Variants in KAT2A observed in about 807,000 individuals in gnomAD.
The protein encoded by KAT2A is lysine acetyltransferase 2A, also known as histone acetyltransferase KAT2A.
KAT2A carries 42 observed loss-of-function variants against 95.2 expected under a neutral mutation model. The observed-to-expected ratio is 0.44, with a 90% CI of 0.34 to 0.57. The LOEUF (loss-of-function observed/expected upper bound fraction) is 0.57. KAT2A is among the 20% of genes least tolerant of loss of function. The probability of loss-of-function intolerance (pLI) is 0.01; values close to 1 mark genes in which losing one functional copy is unlikely to be tolerated. For missense variants in KAT2A, 784 were observed against 1,126.3 expected (o/e 0.70, Z 4.35); for synonymous variants, 449 against 448.2 (o/e 1.00, Z -0.02).
chr17:42,115,042 G>A lies in KAT2A; in HGVS notation c.1876-7C>T, dbSNP rs782365706. On this transcript the variant is annotated splice_region_variant and splice_polypyrimidine_tract_variant and intron_variant, in intron 12 of 17. Transcript: ENST00000225916. ...TGATGTCCTTGGAGAAACCCTGGGG[G>A]GTGGATGGTCATGACCCAGTCCATC... The A allele has an allele frequency of 1.2e-6, 2 of 1,613,206 alleles. No individual in the cohort carries two copies. The highest frequency in any genetic ancestry group is 1.7e-6 in the Non-Finnish European group (2 of 1,179,640).
In KAT2A at chr17:42,120,738, C is replaced by T. The variant is rs1598235220; in HGVS notation, c.431G>A (p.Ser144Asn). The T allele has an allele frequency of 1.2e-6, 2 of 1,614,168 alleles. No homozygotes were observed. The highest frequency in any genetic ancestry group is 1.7e-6 in the Non-Finnish European group (2 of 1,180,050). ...GTGCTCACAACTGCGGCACAGCTCA[C>T]TCAGGTTGGCAGCTGGCTGCTGCAG... ...MDLQQPAANL[S>N]ELCRSCEHPL... The change falls in exon 2 of 18, where the codon AGT (serine) becomes AAT (asparagine). Residue 144 changes from serine to asparagine, a missense_variant. By Grantham distance (46) the Ser-to-Asn change is conservative. Around this residue, in one of 6 missense-constraint regions of KAT2A, gnomAD observed 208 missense variants for 339.7 expected, o/e 0.61. Transcript: ENST00000225916.
rs200608565 is a variant in KAT2A, at chr17:42,117,499, G to A, written c.1526C>T (p.Thr509Met). The stretch of plus-strand genomic sequence containing the variant: ...CAACACCCGCCGGTTGGCCTTGGGC[G>A]TCAGTGAGTTGCCGATGACATGGAA... ...IEFHVIGNSLTPKANRRVLLW... is the reference protein window; with the variant it reads ...IEFHVIGNSLMPKANRRVLLW... The change falls in exon 10 of 18, where the codon ACG becomes ATG. Residue 509 changes from threonine (T) to methionine (M), a missense_variant. This residue lies in a region of KAT2A where 174 missense variants were observed against 324.9 expected (regional missense o/e 0.54). Coordinates refer to ENST00000225916, the MANE Select transcript of KAT2A (RefSeq NM_021078.3). This position sits in a 1 kb window ranked among gnomAD's most constrained non-coding sequence, Gnocchi z 8.9. 58 of 1,613,610 alleles carry A rather than the reference G, an allele frequency of 3.6e-5. No homozygotes were observed. Among genetic ancestry groups the A allele is most frequent in the East Asian group, 3.6e-4 (16 of 44,896 alleles).
rs2054308615 is a variant in KAT2A, at chr17:42,119,695, G to A, written c.723C>T (p.Tyr241=). The A allele has an allele frequency of 6.2e-7, 1 of 1,610,480 alleles. No individual in the cohort carries two copies. The change falls in exon 5 of 18, where the codon TAC becomes TAT. Residue 241 remains tyrosine, a synonymous_variant. Coordinates refer to ENST00000225916, the MANE Select transcript of KAT2A (RefSeq NM_021078.3). This position sits in a 1 kb window ranked among gnomAD's most constrained non-coding sequence, Gnocchi z 5.3. ...CCCGGGGAGCCAGGTGACTAAACTT[G>A]TACTGCACAAAGTTCAGCACACCCT... ...IEQGVLNFVQ[Y]KFSHLAPRER...
At position 42,118,484 on chromosome 17, in the gene KAT2A, G is replaced by A; in HGVS notation, c.1074-81C>T. 3 of 969,314 alleles carry A rather than the reference G, an allele frequency of 3.1e-6. No homozygotes were observed. In the South Asian group the frequency reaches 4.0e-5, roughly 13 times the overall value. 60.0% of individuals were successfully genotyped at this position (969,314 alleles called of 1,614,324 possible). A position where few individuals can be genotyped will look rare whatever the true frequency, so the allele number is the denominator to read the frequency against. On this transcript the variant is annotated intron_variant, in intron 6 of 17. Coordinates refer to ENST00000225916, the MANE Select transcript of KAT2A (RefSeq NM_021078.3). The stretch of plus-strand genomic sequence containing the variant: ...CCAGGCAGCAGAGGGACTGGAGGCT[G>A]GTCAGAGACAGACCCTGCTCTTAGG...
Position 42,119,505 on chromosome 17 carries a change from C to G in KAT2A, c.881+32G>C, listed in dbSNP as rs782263846. On this transcript the variant is annotated intron_variant, in intron 5 of 17. Transcript: ENST00000225916. The surrounding 1 kb of genome is among the most constrained non-coding windows in gnomAD (Gnocchi z 5.3). ...ACTGAACCCAGGCTGGGCCTGCAAGCCTCCCCCGAAGCTGCCCCTGGCTGG... is the reference window on the plus strand; with the variant it reads ...ACTGAACCCAGGCTGGGCCTGCAAGGCTCCCCCGAAGCTGCCCCTGGCTGG... 1.7e-5 allele frequency: 27 copies of G among 1,579,830 alleles called. No individual in the cohort carries two copies. Among genetic ancestry groups the G allele is most frequent in the Non-Finnish European group, 2.3e-5 (27 of 1,159,770 alleles).
Position 42,114,987 on chromosome 17 carries a change from T to C in KAT2A, c.1924A>G (p.Ile642Val). Residue 642 changes from isoleucine to valine, a missense_variant, in exon 13 of 18, where the codon ATC (isoleucine) becomes GTC (valine). This residue lies in a region of KAT2A where 174 missense variants were observed against 324.9 expected (regional missense o/e 0.54). Coordinates refer to ENST00000225916, the MANE Select transcript of KAT2A (RefSeq NM_021078.3). This position sits in a 1 kb window ranked among gnomAD's most constrained non-coding sequence, Gnocchi z 6.0. Reference protein sequence around the residue: ...KVPKSRYLGYIKDYEGATLME... With the variant: ...KVPKSRYLGYVKDYEGATLME... ...AGCGTCGCTCCCTCGTAGTCCTTGA[T>C]GTAGCCCAGGTAGCGGCTCTTGGGC... is the stretch of plus-strand genomic sequence containing the variant. 1 of 1,614,028 alleles carries C rather than the reference T, an allele frequency of 6.2e-7. No individual in the cohort carries two copies. The highest frequency in any genetic ancestry group is 8.5e-7 in the Non-Finnish European group (1 of 1,179,966).
chr17:42,120,151 A>AG (rs1292839993), intron 3 of KAT2A, 32 bp from the exon 4 acceptor site: 1 of 1,612,706 alleles, frequency 6.2e-7, no homozygotes, highest in Non-Finnish European at 8.5e-7. Context: ...CATAGAGGGG[A>AG]GGGGGGCAGA....
At position 42,117,117 on chromosome 17, in the gene KAT2A, C is replaced by T; in HGVS notation, c.1682G>A (p.Gly561Asp). 6.2e-7 allele frequency: 1 copy of T among 1,614,156 alleles called. No individual in the cohort carries two copies. The highest frequency in any genetic ancestry group is 8.5e-7 in the Non-Finnish European group (1 of 1,180,040). ...GGGAAACATGCGGAAGCAGATGCCA[C>T]CGATGACCCGCCCATCCTTGATCAA... ...LALIKDGRVI[G>D]GICFRMFPTQ... The change falls in exon 11 of 18, where the codon GGT becomes GAT. Residue 561 changes from glycine to aspartate, a missense_variant. By Grantham distance (94) the Gly-to-Asp change is moderately conservative. Transcript: ENST00000225916. This position sits in a 1 kb window ranked among gnomAD's most constrained non-coding sequence, Gnocchi z 8.9.
At position 42,118,027 on chromosome 17, in the gene KAT2A, G is replaced by C. The variant is rs782490302; in HGVS notation, c.1181-10C>G. On this transcript the variant is annotated splice_polypyrimidine_tract_variant and intron_variant, in intron 7 of 17. Coordinates refer to ENST00000225916, the MANE Select transcript of KAT2A (RefSeq NM_021078.3). ...GCTGCACTGACTGAAGCTGAGGAGA[G>C]AGAGAGACGTCAGGGATGGGGGGCT... 2.1e-6 allele frequency: 3 copies of C among 1,431,924 alleles called. No homozygotes were observed. Among genetic ancestry groups the C allele is most frequent in the Non-Finnish European group, 9.5e-7 (1 of 1,057,922 alleles). 88.7% of individuals were successfully genotyped at this position (1,431,924 alleles called of 1,614,324 possible). A position where few individuals can be genotyped will look rare whatever the true frequency, so the allele number is the denominator to read the frequency against.
In KAT2A at chr17:42,114,669, G is replaced by T; in HGVS notation, c.2020-65C>A. 1 of 1,451,286 alleles carries T rather than the reference G, an allele frequency of 6.9e-7. No homozygotes were observed. The highest frequency in any genetic ancestry group is 1.8e-4 in the Middle Eastern group (1 of 5,688). 89.9% of individuals were successfully genotyped at this position (1,451,286 alleles called of 1,614,324 possible). Reference sequence around the variant, plus strand: ...AACAACAACCCCTCCCAGGGCCACAGTCGGAGCCACTGGCTGCACCCACCC... The same window carrying T: ...AACAACAACCCCTCCCAGGGCCACATTCGGAGCCACTGGCTGCACCCACCC... On this transcript the variant is annotated intron_variant, in intron 13 of 17. Transcript: ENST00000225916. The surrounding 1 kb of genome is among the most constrained non-coding windows in gnomAD (Gnocchi z 6.0).
Position 42,114,846 on chromosome 17 carries a change from T to C in KAT2A, c.2019+46A>G, listed in dbSNP as rs2054231818. 2 of 1,604,486 alleles carry C rather than the reference T, an allele frequency of 1.2e-6. No homozygotes were observed. The highest frequency in any genetic ancestry group is 2.7e-5 in the African/African-American group (2 of 74,736). On this transcript the variant is annotated intron_variant, in intron 13 of 17. Coordinates refer to ENST00000225916, the MANE Select transcript of KAT2A (RefSeq NM_021078.3). This position sits in a 1 kb window ranked among gnomAD's most constrained non-coding sequence, Gnocchi z 6.0. ...TACACACGTGTGCTCGCCCTCTGCA[T>C]GCCCATTCATGAAAAATCCCACAGA...
Position 42,119,945 on chromosome 17 carries a change from TGAG to T in KAT2A, c.699+82_699+84del. On this transcript the variant is annotated intron_variant, in intron 4 of 17. Transcript: ENST00000225916. This position sits in a 1 kb window ranked among gnomAD's most constrained non-coding sequence, Gnocchi z 5.3. ...CTGAACCTCCCCAGTGTTCTCAGCT[TGAG>T]GAGAATGGAGAACACAGGCTCCCCA... 4 of 1,269,322 alleles carry T rather than the reference TGAG, an allele frequency of 3.2e-6. No homozygotes were observed. Among genetic ancestry groups the T allele is most frequent in the East Asian group, 2.3e-5 (1 of 43,146 alleles). 78.6% of individuals were successfully genotyped at this position (1,269,322 alleles called of 1,614,324 possible). A position where few individuals can be genotyped will look rare whatever the true frequency, so the allele number is the denominator to read the frequency against.
chr17:42,114,942 G>A lies in KAT2A; in HGVS notation c.1969C>T (p.Pro657Ser). 6.2e-7 allele frequency: 1 copy of A among 1,614,004 alleles called. No homozygotes were observed. Among genetic ancestry groups the A allele is most frequent in the Non-Finnish European group, 8.5e-7 (1 of 1,179,946 alleles). The part of the protein sequence containing the change: ...GATLMECELN[P>S]RIPYTELSHI... ...GACAGCTCCGTGTAGGGGATGCGGG[G>A]ATTCAGCTCACACTCCATCAGCGTC... Residue 657 changes from proline to serine, a missense_variant, in exon 13 of 18, where the codon CCC becomes TCC. Coordinates refer to ENST00000225916, the MANE Select transcript of KAT2A (RefSeq NM_021078.3). The surrounding 1 kb of genome is among the most constrained non-coding windows in gnomAD (Gnocchi z 6.0).
rs944419984 is a variant in KAT2A, at chr17:42,113,416, G to C, written c.*233C>G. ...TCATCCCTGGCCACCAGCTACTCTA[G>C]AGGGGCTGGGCCCCAACCCAGGAGA... is the stretch of plus-strand genomic sequence containing the variant. On this transcript the variant is annotated 3_prime_UTR_variant, in exon 18 of 18. Transcript: ENST00000225916. The C allele has an allele frequency of 6.7e-5, 30 of 448,554 alleles. No homozygotes were observed. The highest frequency in any genetic ancestry group is 5.4e-4 in the African/African-American group (26 of 48,222). The allele number at this position is 448,554 out of a possible 1,614,324, so 27.8% of individuals were successfully genotyped here.
intron 11 of KAT2A, among the ~76,000 whole-genome samples, chr17:42,116,637 G>T (rs1313599028): frequency 1.3e-5 from 2 of 152,230 alleles, no homozygotes; most frequent in African/African-American, 4.8e-5. Flanking sequence ...CGAGGCAGGA[G>T]TATCACTTGA....
rs782794291 is a variant in KAT2A at position 42,119,168 on chromosome 17, GCCTT to G, written c.1073+73_1073+76del. 8.3e-5 allele frequency: 126 copies of G among 1,526,672 alleles called. No individual in the cohort carries two copies. Among genetic ancestry groups the G allele is most frequent in the Non-Finnish European group, 7.1e-5 (81 of 1,135,450 alleles). The allele number at this position is 1,526,672 out of a possible 1,614,324, so 94.6% of individuals were successfully genotyped here. A position where few individuals can be genotyped will look rare whatever the true frequency, so the allele number is the denominator to read the frequency against. ...GGGAGAGGAGGGACCAATCCAGGAAGCCTTCCTGGAAAAAAGGGGACAACAGGGA... is the reference window on the plus strand; with the variant it reads ...GGGAGAGGAGGGACCAATCCAGGAAGCCTGGAAAAAAGGGGACAACAGGGA... On this transcript the variant is annotated intron_variant, in intron 6 of 17. Transcript: ENST00000225916. The surrounding 1 kb of genome is among the most constrained non-coding windows in gnomAD (Gnocchi z 5.3).
rs1555666374 is a variant in KAT2A, at chr17:42,117,879, G to T, written c.1291+28C>A. The T allele has an allele frequency of 6.9e-6, 11 of 1,601,518 alleles. No homozygotes were observed. Among genetic ancestry groups the T allele is most frequent in the Non-Finnish European group, 8.5e-6 (10 of 1,171,360 alleles). Reference sequence around the variant, plus strand: ...AAAGGTTTGGGAAGGAGTGAATGAGGGTCAGAGGTCAGGGGTCAAGTATCC... The same window carrying T: ...AAAGGTTTGGGAAGGAGTGAATGAGTGTCAGAGGTCAGGGGTCAAGTATCC... On this transcript the variant is annotated intron_variant, in intron 8 of 17. Coordinates refer to ENST00000225916, the MANE Select transcript of KAT2A (RefSeq NM_021078.3). This position sits in a 1 kb window ranked among gnomAD's most constrained non-coding sequence, Gnocchi z 8.9.
chr17:42,117,980 G>A lies in KAT2A; in HGVS notation c.1218C>T (p.Ile406=), dbSNP rs1555666423. ...TGCCCCCACCCATGCTGGGGCTGAA[G>A]ATGGGGGTGCTGGGAACAACCGCTG... The part of the protein sequence containing the change: ...VSAAVVPSTP[I]FSPSMGGGSN... Residue 406 remains isoleucine (I), a synonymous_variant, in exon 8 of 18, where the codon ATC becomes ATT. Transcript: ENST00000225916. The surrounding 1 kb of genome is among the most constrained non-coding windows in gnomAD (Gnocchi z 8.9). The A allele has an allele frequency of 3.1e-6, 5 of 1,607,946 alleles. No individual in the cohort carries two copies. Among genetic ancestry groups the A allele is most frequent in the South Asian group, 1.1e-5 (1 of 90,470 alleles).
At position 42,114,561 on chromosome 17, in the gene KAT2A, T is replaced by C; in HGVS notation, c.2063A>G (p.Lys688Arg). 1.2e-6 allele frequency: 2 copies of C among 1,614,064 alleles called. No homozygotes were observed. Among genetic ancestry groups the C allele is most frequent in the South Asian group, 2.2e-5 (2 of 91,078 alleles). ...LIERKQAQIR[K>R]VYPGLSCFKE... ...GAAGCAGCTGAGCCCCGGGTAGACC[T>C]TGCGGATCTGGGCCTGTTTGCGCTC... The change falls in exon 14 of 18, where the codon AAG becomes AGG. Residue 688 changes from lysine to arginine, a missense_variant. By Grantham distance (26) the Lys-to-Arg change is conservative. Coordinates refer to ENST00000225916, the MANE Select transcript of KAT2A (RefSeq NM_021078.3). The surrounding 1 kb of genome is among the most constrained non-coding windows in gnomAD (Gnocchi z 6.0).
Sources: gnomAD v4.1 joint callset for allele counts (sites outside exome capture counted in the v4.1 genomes callset) on GRCh38, gnomAD v4.1.1 for gene constraint, gnomAD v4.1.1 regional missense constraint, Gnocchi (gnomAD v3.1) non-coding constraint, MANE v1.5 for transcripts, NCBI Gene and HGNC (gene_info 2026-07-23, HGNC 2026-07-21) for gene names.